The following RALYL variants were observed in gnomAD, a reference collection of about 807,000 sequenced individuals.
RALYL encodes the protein RNA-binding Raly-like protein.
In RALYL, 29 loss-of-function variants were observed where a neutral mutation model predicts 35.1. The observed-to-expected ratio is 0.83, with a 90% CI of 0.61 to 1.13. RALYL has a LOEUF of 1.13. Among genes scored for constraint, RALYL ranks in the 50% most tolerant of loss-of-function variants. The pLI, the probability that RALYL is intolerant of heterozygous loss-of-function variation, is 0.00. For synonymous variants in RALYL, 120 were observed against 127.6 expected (o/e 0.94, Z 0.40); for missense variants, 359 against 360.4 (o/e 1.00, Z 0.03).
intron 1 of RALYL, among the ~76,000 whole-genome samples, chr8:84,396,086 A>G (rs1861694428): frequency 6.6e-6 from 1 of 151,982 alleles, no homozygotes; most frequent in African/African-American, 2.4e-5. Flanking sequence ...TTTTCATTTG[A>G]TAGTAATTTT....
rs764694987 is a variant in RALYL at position 84,873,269 on chromosome 8, C to T, written c.572-15C>T. 9 of 1,440,786 alleles carry T rather than the reference C, an allele frequency of 6.2e-6. No individual in the cohort carries two copies. In the South Asian group the frequency reaches 1.1e-4, roughly 18 times the overall value. 89.3% of individuals were successfully genotyped at this position (1,440,786 alleles called of 1,614,324 possible). On this transcript the variant is annotated splice_polypyrimidine_tract_variant and intron_variant, in intron 6 of 8. Transcript: ENST00000521268. Reference sequence around the variant, plus strand: ...TTGATGCTCTGTTGTTTTCTTCCTTCTTTCTACTTTCCAGTGAAATCAGAT... The same window carrying T: ...TTGATGCTCTGTTGTTTTCTTCCTTTTTTCTACTTTCCAGTGAAATCAGAT...
intron 1 of RALYL, among the ~76,000 whole-genome samples, chr8:84,253,775 C>T (rs1372811052): frequency 6.6e-6 from 1 of 152,024 alleles, no homozygotes; most frequent in Non-Finnish European, 1.5e-5. Context: ...AGAATTTATG[C>T]TTGGATAATT....
chr8:84,257,387 C>T (rs1278448486), intron 1 of RALYL, among the ~76,000 whole-genome samples: 3 of 152,024 alleles, frequency 2.0e-5, no homozygotes, highest in African/African-American at 7.2e-5. Flanking sequence ...TTGTTTTTGA[C>T]TACTTAAATT....
chr8:84,643,231 C>T (rs1826773297), intron 2 of RALYL, among the ~76,000 whole-genome samples: 1 of 151,736 alleles, frequency 6.6e-6, no homozygotes, highest in African/African-American at 2.4e-5. Flanking sequence ...CAACCAAAAC[C>T]CCAAGGGTAC....
chr8:84,653,238 A>T (rs1032136796), intron 2 of RALYL, among the ~76,000 whole-genome samples: 1 of 152,088 alleles, frequency 6.6e-6, no homozygotes, highest in Non-Finnish European at 1.5e-5. Flanking sequence ...TTTTTAAAAA[A>T]CCAATATTCA....
At chr8:84,526,165 G>A (rs1374336416) in intron 1 of RALYL, among the ~76,000 whole-genome samples, 1 of 151,828 alleles carries the variant, frequency 6.6e-6, no homozygotes, top group African/African-American at 2.4e-5. Context: ...ATGTTGGCCA[G>A]GCTAGTCTCA....
intron 1 of RALYL, among the ~76,000 whole-genome samples, chr8:84,512,128 A>C (rs888412478): frequency 6.6e-6 from 1 of 152,156 alleles, no homozygotes; most frequent in African/African-American, 2.4e-5. Context: ...ACTATTTTCC[A>C]TAATGGATAT....
At chr8:84,612,587 C>T (rs749995503) in intron 2 of RALYL, among the ~76,000 whole-genome samples, 8 of 149,210 alleles carry the variant, frequency 5.4e-5, no homozygotes, top group Non-Finnish European at 1.0e-4. Flanking sequence ...TAAAAATAAA[C>T]AGTCTTCAAT....
intron 1 of RALYL, among the ~76,000 whole-genome samples, chr8:84,342,295 T>TAA (rs1554626209): frequency 6.7e-5 from 8 of 119,680 alleles, no homozygotes; most frequent in East Asian, 2.6e-4. Flanking sequence ...TATATATATA[T>TAA]AAAACTCAAA....
At position 84,649,347 on chromosome 8, in the gene RALYL, T is replaced by A. The variant is rs1490225023; in HGVS notation, c.256+119770T>A. ...TGCTTTTGGTGTTTTAGACATGAAG[T>A]CCTTGCCCATGCCTATGTCCTGAAT... is the stretch of plus-strand genomic sequence containing the variant. On this transcript the variant is annotated intron_variant, in intron 2 of 8. Transcript: ENST00000521268. Among the ~76,000 whole-genome samples the A allele has an allele frequency of 3.3e-5, 5 of 152,160 alleles. No individual in the cohort carries two copies. In the South Asian group the frequency reaches 6.2e-4, roughly 19 times the overall value.
chr8:84,593,880 C>T (rs1813870444), intron 2 of RALYL, among the ~76,000 whole-genome samples: 1 of 152,020 alleles, frequency 6.6e-6, no homozygotes, highest in Admixed American at 6.6e-5. Flanking sequence ...TTTAACACAC[C>T]ATTATATGCA....
chr8:84,694,320 C>T (rs1224843523), intron 2 of RALYL, among the ~76,000 whole-genome samples: 2 of 151,636 alleles, frequency 1.3e-5, no homozygotes, highest in Non-Finnish European at 2.9e-5. Flanking sequence ...CATTCACTAA[C>T]AAACTATTGG....
chr8:84,428,104 TCTCACA>T lies in RALYL; in HGVS notation c.-23-101193_-23-101188del, dbSNP rs1160621560. Among the ~76,000 whole-genome samples, 129 of 131,804 alleles carry T rather than the reference TCTCACA, an allele frequency of 9.8e-4. 1 individual carries two copies. Among genetic ancestry groups the T allele is most frequent in the Middle Eastern group, 7.8e-3 (2 of 256 alleles). The allele number at this position is 131,804 out of a possible 152,430, so 86.5% of individuals were successfully genotyped here. ...CTCTCTCTCTCTCTCTCTCTCTCTC[TCTCACA>T]CACACACACACACACACACACACAC... On this transcript the variant is annotated intron_variant, in intron 1 of 8. Coordinates refer to ENST00000521268, the MANE Select transcript of RALYL (RefSeq NM_173848.7).
intron 1 of RALYL, among the ~76,000 whole-genome samples, chr8:84,390,617 A>G (rs150882886): frequency 0.015 from 2,357 of 152,068 alleles, 53 homozygotes; most frequent in African/African-American, 0.053. Context: ...TAGATTTTCT[A>G]GTTTATTTGT....
chr8:84,788,886 G>T (rs559124085), intron 3 of RALYL, among the ~76,000 whole-genome samples: 6 of 152,324 alleles, frequency 3.9e-5, no homozygotes, highest in African/African-American at 1.4e-4. Flanking sequence ...GTGGTGCAGT[G>T]GAATGAGCAA....
At chr8:84,642,480 T>A (rs1826583254) in intron 2 of RALYL, among the ~76,000 whole-genome samples, 1 of 152,032 alleles carries the variant, frequency 6.6e-6, no homozygotes, top group African/African-American at 2.4e-5. Context: ...AGCAGCTTAG[T>A]AACAGCAGAT....
intron 2 of RALYL, among the ~76,000 whole-genome samples, chr8:84,568,871 A>G (rs1185303384): frequency 1.1e-3 from 167 of 145,858 alleles, no homozygotes; most frequent in South Asian, 4.3e-3. Flanking sequence ...GTCTGTTCAT[A>G]TCCTTTGCCC....
chr8:84,874,629 G>A (rs755936823), intron 7 of RALYL, among the ~76,000 whole-genome samples: 1 of 152,188 alleles, frequency 6.6e-6, no homozygotes, highest in Non-Finnish European at 1.5e-5. Context: ...GGGTTGGAGC[G>A]TACCCTTGGC....
chr8:84,897,598 A>C (rs1444328157), intron 8 of RALYL, among the ~76,000 whole-genome samples: 1 of 152,074 alleles, frequency 6.6e-6, no homozygotes, highest in East Asian at 1.9e-4. Context: ...TTTGCTATAG[A>C]TTTGTTCTCT....
Sources: allele counts gnomAD v4.1 joint callset (sites outside exome capture counted in the v4.1 genomes callset), GRCh38; gene constraint gnomAD v4.1.1; transcripts MANE v1.5; gene names NCBI Gene and HGNC (gene_info 2026-07-23, HGNC 2026-07-21).